KLHL32: variants seen among roughly 807,000 people sequenced by gnomAD.
The protein encoded by KLHL32 is kelch like family member 32, also known as kelch-like protein 32.
A neutral mutation model predicts 64.8 loss-of-function variants in KLHL32; 35 were observed. That is an observed-to-expected ratio of 0.54 (90% CI 0.41 to 0.72). KLHL32 has a LOEUF of 0.72. Ranked by LOEUF, KLHL32 falls within the 30% of genes least tolerant of loss-of-function variation. KLHL32 has a pLI of 0.00. For missense variants in KLHL32, 589 were observed against 768.5 expected (o/e 0.77, Z 2.76); for synonymous variants, 259 against 281.0 (o/e 0.92, Z 0.78).
chr6:97,119,917 G>A (rs182128137), intron 7 of KLHL32, among the ~76,000 whole-genome samples: 1 of 152,164 alleles, frequency 6.6e-6, no homozygotes, highest in Non-Finnish European at 1.5e-5. Context: ...TTGAGAAAAG[G>A]AAGCAAGAGG....
chr6:96,980,932 A>G (rs1776229950), intron 3 of KLHL32, among the ~76,000 whole-genome samples: 1 of 151,308 alleles, frequency 6.6e-6, no homozygotes, highest in African/African-American at 2.4e-5. Flanking sequence ...TAAACTTACA[A>G]TCATGGCAGA....
chr6:97,130,022 G>A (rs796718061), intron 8 of KLHL32, among the ~76,000 whole-genome samples: 7 of 152,304 alleles, frequency 4.6e-5, no homozygotes, highest in African/African-American at 1.4e-4. Flanking sequence ...AGGAAATGTG[G>A]GTGGTTTGTT....
At chr6:97,092,053 G>A (rs962196976) in intron 6 of KLHL32, among the ~76,000 whole-genome samples, 1 of 149,706 alleles carries the variant, frequency 6.7e-6, no homozygotes, top group Admixed American at 6.7e-5. Context: ...GCAATGGCAC[G>A]ATCTCAGCTC....
intron 4 of KLHL32, among the ~76,000 whole-genome samples, chr6:97,050,399 G>T (rs1302946185): frequency 2.0e-5 from 3 of 152,104 alleles, no homozygotes; most frequent in African/African-American, 7.2e-5. Flanking sequence ...TCCTAAGCAG[G>T]TGCAAAAATG....
chr6:97,041,555 A>G lies in KLHL32; in HGVS notation c.268A>G (p.Ser90Gly), dbSNP rs1785122795. 1.2e-6 allele frequency: 2 copies of G among 1,613,984 alleles called. No individual in the cohort carries two copies. Among genetic ancestry groups the G allele is most frequent in the East Asian group, 4.5e-5 (2 of 44,868 alleles). Residue 90 changes from serine to glycine, a missense_variant, in exon 4 of 11, where the codon AGC becomes GGC. Transcript: ENST00000369261. ...TGAGGTTAATTTGCACGGTGTGACC[A>G]GCCTTGGCTTAAAGCAGGCTCTGGA... ...ADEVNLHGVT[S>G]LGLKQALEFA... is the part of the protein sequence containing the mutation.
chr6:97,107,391 A>C (rs1005673060), intron 6 of KLHL32, among the ~76,000 whole-genome samples: 2 of 151,734 alleles, frequency 1.3e-5, no homozygotes, highest in Non-Finnish European at 2.9e-5. Context: ...GATATAATTA[A>C]AAAATACATG....
At position 97,064,685 on chromosome 6, in the gene KLHL32, C is replaced by A. The variant is rs759230880; in HGVS notation, c.370C>A (p.Leu124Met). 6.2e-7 allele frequency: 1 copy of A among 1,614,160 alleles called. No homozygotes were observed. Among genetic ancestry groups the A allele is most frequent in the South Asian group, 1.1e-5 (1 of 91,082 alleles). Reference sequence around the variant, plus strand: ...GCTAGCAGCGGGCAGTCACCTACAGCTGTTGGAGCTTCTCAATTTATGCTC... The same window carrying A: ...GCTAGCAGCGGGCAGTCACCTACAGATGTTGGAGCTTCTCAATTTATGCTC... ...DVLAAGSHLQ[L>M]LELLNLCSHY... The change falls in exon 5 of 11, where the codon CTG becomes ATG. Residue 124 changes from leucine to methionine, a missense_variant. Around this residue, in one of 3 missense-constraint regions of KLHL32, gnomAD observed 191 missense variants for 223.3 expected, o/e 0.86. Transcript: ENST00000369261.
At chr6:97,089,039 C>A (rs907384771) in intron 6 of KLHL32, among the ~76,000 whole-genome samples, 1 of 152,194 alleles carries the variant, frequency 6.6e-6, no homozygotes, top group Non-Finnish European at 1.5e-5. Flanking sequence ...GAAAGTATGG[C>A]TCTCCACCCA....
Position 96,976,119 on chromosome 6 carries a change from A to T in KLHL32, c.146A>T (p.Glu49Val), listed in dbSNP as rs763196578. Reference protein sequence around the residue: ...GILCDITLIAEEQKFHAHKAV... With the variant: ...GILCDITLIAVEQKFHAHKAV... ...CTCTGCGACATCACCCTGATTGCTG[A>T]GGAACAGAAATTCCATGCTCACAAG... is the stretch of plus-strand genomic sequence containing the variant. The change falls in exon 3 of 11, where the codon GAG (glutamate) becomes GTG (valine). Residue 49 changes from glutamate (E) to valine (V), a missense_variant. By Grantham distance (121) the Glu-to-Val change is moderately radical. Coordinates refer to ENST00000369261, the MANE Select transcript of KLHL32 (RefSeq NM_052904.4). 2 of 1,607,636 alleles carry T rather than the reference A, an allele frequency of 1.2e-6. No individual in the cohort carries two copies. The highest frequency in any genetic ancestry group is 3.4e-5 in the Admixed American group (2 of 59,654).
At chr6:96,903,564 T>C in the KLHL32 span, among the ~76,000 whole-genome samples, 1 of 152,142 alleles carries the variant, frequency 6.6e-6, no homozygotes, top group East Asian at 1.9e-4. Context: ...CTTCAGGGCC[T>C]TTGGGAGGTA....
chr6:96,965,275 C>A (rs11153285), intron 1 of KLHL32, among the ~76,000 whole-genome samples: 3 of 151,992 alleles, frequency 2.0e-5, no homozygotes, highest in Non-Finnish European at 4.4e-5. Context: ...AGTTAATTCA[C>A]GTTTAAAATG....
intron 3 of KLHL32, among the ~76,000 whole-genome samples, chr6:97,017,172 CAAAAAGA>C (rs1781329524): frequency 6.6e-6 from 1 of 151,618 alleles, no homozygotes; most frequent in African/African-American, 2.4e-5. Context: ...ATGTTAATTT[CAAAAAGA>C]AAAAAGAAAA....
intron 4 of KLHL32, among the ~76,000 whole-genome samples, chr6:97,054,831 C>T (rs1036080996): frequency 1.3e-5 from 2 of 152,024 alleles, no homozygotes; most frequent in Non-Finnish European, 2.9e-5. Context: ...CCCGGCTATT[C>T]GGGAGGTTGA....
intron 6 of KLHL32, among the ~76,000 whole-genome samples, chr6:97,089,913 G>A (rs1467154008): frequency 6.6e-6 from 1 of 152,184 alleles, no homozygotes; most frequent in African/African-American, 2.4e-5. Context: ...TGCTGGCTAT[G>A]TGAGTGGCGT....
chr6:97,125,342 G>T (rs1376342685), intron 7 of KLHL32, among the ~76,000 whole-genome samples: 2 of 152,114 alleles, frequency 1.3e-5, no homozygotes, highest in Non-Finnish European at 1.5e-5. Context: ...GATTCTTGTT[G>T]ACTTGACTCC....
chr6:97,006,145 C>T (rs780807922), intron 3 of KLHL32, among the ~76,000 whole-genome samples: 10 of 152,122 alleles, frequency 6.6e-5, no homozygotes, highest in Non-Finnish European at 1.0e-4. Context: ...TTATCTAGGT[C>T]TCTTCATAGG....
intron 2 of KLHL32, among the ~76,000 whole-genome samples, chr6:96,967,440 G>T (rs548137882): frequency 9.9e-5 from 15 of 150,950 alleles, no homozygotes; most frequent in Non-Finnish European, 1.8e-4. Flanking sequence ...TATATATATA[G>T]ATGTGTATAT....
At chr6:97,005,073 T>C (rs1446718336) in intron 3 of KLHL32, among the ~76,000 whole-genome samples, 1 of 152,162 alleles carries the variant, frequency 6.6e-6, no homozygotes, top group African/African-American at 2.4e-5. Flanking sequence ...CACTTTTTTG[T>C]ACACCTGGTA....
the KLHL32 span, among the ~76,000 whole-genome samples, chr6:96,902,368 T>C: frequency 6.6e-6 from 1 of 152,248 alleles, no homozygotes; most frequent in Non-Finnish European, 1.5e-5. Context: ...TGAGCTTTTT[T>C]TCATGTTTGT....
Sources: gnomAD v4.1 joint callset for allele counts (sites outside exome capture counted in the v4.1 genomes callset) on GRCh38, gnomAD v4.1.1 for gene constraint, gnomAD v4.1.1 regional missense constraint, MANE v1.5 for transcripts, NCBI Gene and HGNC (gene_info 2026-07-23, HGNC 2026-07-21) for gene names.